The following ELP2 variants were observed in gnomAD, a reference collection of about 807,000 sequenced individuals.
ELP2 encodes elongator complex protein 2.
ELP2 carries 90 observed loss-of-function variants against 119.2 expected under a neutral mutation model. The ratio of observed to expected loss-of-function variants is 0.75; its 90% CI spans 0.64 to 0.90. The LOEUF (loss-of-function observed/expected upper bound fraction) is 0.90. ELP2 is among the 40% of genes least tolerant of loss of function. The probability of loss-of-function intolerance (pLI) is 0.00; values close to 1 mark genes in which losing one functional copy is unlikely to be tolerated. For missense variants in ELP2, 921 were observed against 967.8 expected (o/e 0.95, Z 0.64); for synonymous variants, 339 against 331.0 (o/e 1.02, Z -0.26).
intron 12 of ELP2, 21 bp downstream of exon 12, chr18:36,155,020 A>G (rs747262692): frequency 6.2e-7 from 1 of 1,600,632 alleles, no homozygotes; most frequent in South Asian, 1.1e-5. Flanking sequence ...TTATTTATTT[A>G]TTTATTTTTT....
chr18:36,155,872 T>C lies in ELP2; in HGVS notation c.1276-594T>C, dbSNP rs113405164. On this transcript the variant is annotated intron_variant, in intron 12 of 21. Coordinates refer to ENST00000358232, the MANE Select transcript of ELP2 (RefSeq NM_018255.4). ...GAGGGCAGTTTTTGTTTAAGGAAAT[T>C]TTCACTGTGTTAGGCACCTAGAATA... 5.4e-3 allele frequency among the ~76,000 whole-genome samples: 816 copies of C among 152,320 alleles called. 9 individuals carry two copies. The highest frequency in any genetic ancestry group is 0.019 in the African/African-American group (786 of 41,564).
intron 16 of ELP2, 52 bp from the exon 17 acceptor site, chr18:36,160,880 C>A: frequency 1.7e-6 from 2 of 1,198,174 alleles, no homozygotes; most frequent in Non-Finnish European, 2.5e-6. Flanking sequence ...AATTGTGTGG[C>A]ATGAGAATAG....
intron 12 of ELP2, among the ~76,000 whole-genome samples, chr18:36,155,259 G>A (rs1427471200): frequency 4.4e-4 from 23 of 52,144 alleles, no homozygotes; most frequent in African/African-American, 1.6e-3. Context: ...GTGATGCACC[G>A]CCCCTCCCCC....
intron 14 of ELP2, 41 bp downstream of exon 14, chr18:36,158,945 A>G (rs1206636877): frequency 2.9e-6 from 4 of 1,369,458 alleles, no homozygotes; most frequent in Non-Finnish European, 4.2e-6. Flanking sequence ...CCATAGTGGT[A>G]CTTAAACCCC....
chr18:36,140,956 C>CT (rs2090002468), intron 5 of ELP2, among the ~76,000 whole-genome samples, 181 bp from the exon 6 acceptor site: 1 of 152,116 alleles, frequency 6.6e-6, no homozygotes, highest in African/African-American at 2.4e-5. Flanking sequence ...CTGAATAGAA[C>CT]GTTTTAGAGT....
intron 3 of ELP2, 46 bp downstream of exon 3, chr18:36,136,423 T>A: frequency 1.3e-6 from 2 of 1,497,816 alleles, no homozygotes; most frequent in Non-Finnish European, 1.9e-6. Flanking sequence ...TTTTGTTCAT[T>A]TGTTTTTTAA....
chr18:36,169,078 C>G (rs1407776719), intron 19 of ELP2, among the ~76,000 whole-genome samples: 5 of 151,734 alleles, frequency 3.3e-5, no homozygotes, highest in Admixed American at 3.3e-4. Context: ...GCACCCACCA[C>G]CATGCCCGGC....
At position 36,142,968 on chromosome 18, in the gene ELP2, T is replaced by C; in HGVS notation, c.796+2T>C. Reference sequence around the variant, plus strand: ...ATACTTTTACCATAGAAAATGAAAGTGAGTAATAATGAAAATATCCAATAT... The same window carrying C: ...ATACTTTTACCATAGAAAATGAAAGCGAGTAATAATGAAAATATCCAATAT... On this transcript the variant is annotated splice_donor_variant, in intron 8 of 21. Transcript: ENST00000358232. LOFTEE classifies it high-confidence loss of function. 4.4e-6 allele frequency: 7 copies of C among 1,575,712 alleles called. No individual in the cohort carries two copies. Among genetic ancestry groups the C allele is most frequent in the Non-Finnish European group, 6.1e-6 (7 of 1,150,614 alleles).
At chr18:36,137,424 A>G (rs2089865728) in intron 3 of ELP2, among the ~76,000 whole-genome samples, 2 of 152,194 alleles carry the variant, frequency 1.3e-5, no homozygotes, top group Admixed American at 6.5e-5. Context: ...TATTATGTGC[A>G]TCTTCTTTAG....
Position 36,178,064 on chromosome 18 carries a change from A to C in ELP2, c.*3423A>C, listed in dbSNP as rs928212209. ...AAGCTAACACAAAGCTGTTGCTGCT[A>C]GTGGGAACAGCCCTGATGTCCATGT... On this transcript the variant is annotated 3_prime_UTR_variant, in exon 22 of 22. Coordinates refer to ENST00000358232, the MANE Select transcript of ELP2 (RefSeq NM_018255.4). 6.6e-6 allele frequency: 1 copy of C among 152,180 alleles called. No individual in the cohort carries two copies. The highest frequency in any genetic ancestry group is 2.4e-5 in the African/African-American group (1 of 41,446). The allele number at this position is 152,180 out of a possible 1,614,324, so 9.4% of individuals were successfully genotyped here. A position where few individuals can be genotyped will look rare whatever the true frequency, so the allele number is the denominator to read the frequency against.
In ELP2 at chr18:36,146,389, A is replaced by G. The variant is rs1385788886; in HGVS notation, c.1125+8A>G. 6.2e-7 allele frequency: 1 copy of G among 1,613,728 alleles called. No homozygotes were observed. Among genetic ancestry groups the G allele is most frequent in the Middle Eastern group, 1.7e-4 (1 of 6,058 alleles). On this transcript the variant is annotated splice_region_variant and intron_variant, in intron 11 of 21. Transcript: ENST00000358232. ...CAGAATACAGTTAACCCAGTAAGAA[A>G]AGAGTGTTTAAATAAAGCATTTCTA...
chr18:36,136,671 T>A, intron 3 of ELP2: 1 of 335,802 alleles, frequency 3.0e-6, no homozygotes, highest in Non-Finnish European at 5.5e-6. Flanking sequence ...GTTGTTCTTT[T>A]ATGAAGTTAA....
At chr18:36,143,073 G>C in intron 8 of ELP2, 107 bp downstream of exon 8, 2 of 776,304 alleles carry the variant, frequency 2.6e-6, no homozygotes, top group Admixed American at 2.8e-5. Flanking sequence ...ACAATTGTCA[G>C]ATTCCTACCT....
rs180815345 is a variant in ELP2 at position 36,161,878 on chromosome 18, A to G, written c.1761+874A>G. Among the ~76,000 whole-genome samples, 12 of 152,018 alleles carry G rather than the reference A, an allele frequency of 7.9e-5. 1 individual carries two copies. In the East Asian group the frequency reaches 2.3e-3, roughly 29 times the overall value. ...TACTGAGAGGACTTCCTTCTCTTAT[A>G]GGAGCCTTTGGGAAAAATGGAATTC... is the stretch of plus-strand genomic sequence containing the variant. On this transcript the variant is annotated intron_variant, in intron 17 of 21. Coordinates refer to ENST00000358232, the MANE Select transcript of ELP2 (RefSeq NM_018255.4).
intron 14 of ELP2, 82 bp downstream of exon 14, chr18:36,158,986 GTTTGTTACAGCTGA>G (rs1194329272): frequency 1.1e-6 from 1 of 945,348 alleles, no homozygotes; most frequent in African/African-American, 1.6e-5. Flanking sequence ...TCTACCTAAT[GTTTGTTACAGCTGA>G]TTTTTTTTTT....
chr18:36,172,658 C>T (rs1449949042), intron 21 of ELP2, among the ~76,000 whole-genome samples: 1 of 152,192 alleles, frequency 6.6e-6, no homozygotes, highest in Non-Finnish European at 1.5e-5. Flanking sequence ...AATTTTCTCT[C>T]TTCCTGGGCA....
At chr18:36,145,485 G>A (rs2090167598) in intron 9 of ELP2, 1 of 289,088 alleles carries the variant, frequency 3.5e-6, no homozygotes, top group African/African-American at 2.2e-5. Flanking sequence ...GCATGTTCAG[G>A]CTGGTGCTGG....
At chr18:36,144,067 A>G (rs1471824371) in intron 8 of ELP2, among the ~76,000 whole-genome samples, 1 of 152,042 alleles carries the variant, frequency 6.6e-6, no homozygotes, top group African/African-American at 2.4e-5. Flanking sequence ...TTATAAAGGT[A>G]GTTCAGTGAA....
intron 1 of ELP2, among the ~76,000 whole-genome samples, chr18:36,131,587 A>G (rs1006103879): frequency 2.0e-5 from 3 of 152,248 alleles, no homozygotes; most frequent in Non-Finnish European, 2.9e-5. Flanking sequence ...TCGTAAAATT[A>G]GCAAGGCACA....
Sources: allele counts gnomAD v4.1 joint callset (sites outside exome capture counted in the v4.1 genomes callset), GRCh38; gene constraint gnomAD v4.1.1; transcripts MANE v1.5; gene names NCBI Gene and HGNC (gene_info 2026-07-23, HGNC 2026-07-21).